ZNF385D: variants seen among roughly 807,000 people sequenced by gnomAD.
The protein encoded by ZNF385D is zinc finger protein 659.
ZNF385D carries 15 observed loss-of-function variants against 35.8 expected under a neutral mutation model. That is an observed-to-expected ratio of 0.42 (90% CI 0.28 to 0.64). The LOEUF is 0.64. ZNF385D is among the 30% of genes least tolerant of loss of function. ZNF385D has a pLI of 0.23. For missense variants in ZNF385D, 474 were observed against 494.6 expected (o/e 0.96, Z 0.39); for synonymous variants, 212 against 186.8 (o/e 1.13, Z -1.10).
In ZNF385D at chr3:22,188,221, G is replaced by C. The variant is rs550012548; in HGVS notation, c.107-19186C>G. ...CAAAGCATTAGATTTATTTTAGTAA[G>C]TAAAATGATAGATTTGTAGTTTCAT... On this transcript the variant is annotated intron_variant, in intron 2 of 5. Transcript: ENST00000494108. Among the ~76,000 whole-genome samples the C allele has an allele frequency of 2.5e-3, 382 of 152,304 alleles. 1 individual carries two copies. The highest frequency in any genetic ancestry group is 8.9e-3 in the African/African-American group (370 of 41,574).
chr3:21,947,497 T>C (rs505109), intron 3 of ZNF385D, among the ~76,000 whole-genome samples: 39,265 of 151,898 alleles, frequency 0.26, 5,789 homozygotes, highest in Admixed American at 0.41. Flanking sequence ...ATTACAGGTG[T>C]GCACCACCAT....
intron 2 of ZNF385D, among the ~76,000 whole-genome samples, chr3:22,188,407 G>C (rs545363140): frequency 5.3e-5 from 8 of 152,008 alleles, no homozygotes; most frequent in African/African-American, 1.7e-4. Context: ...GTGTGTTTTA[G>C]CAAGTTATTG....
chr3:21,896,535 T>C (rs1014354110), intron 3 of ZNF385D, among the ~76,000 whole-genome samples: 3 of 152,232 alleles, frequency 2.0e-5, no homozygotes, highest in South Asian at 2.1e-4. Flanking sequence ...GGCCTTTTTT[T>C]CCCCCTGGTA....
chr3:21,745,509 A>G (rs1426922006), intron 1 of ZNF385D, among the ~76,000 whole-genome samples: 1 of 152,200 alleles, frequency 6.6e-6, no homozygotes, highest in African/African-American at 2.4e-5. Flanking sequence ...CCTATTTTCA[A>G]TCCTAGCAAT....
chr3:22,001,622 G>T (rs540778007), intron 3 of ZNF385D, among the ~76,000 whole-genome samples: 2 of 152,088 alleles, frequency 1.3e-5, no homozygotes, highest in South Asian at 4.1e-4. Flanking sequence ...TACACCAAAT[G>T]GATCTAACAG....
intron 3 of ZNF385D, among the ~76,000 whole-genome samples, chr3:21,809,138 A>G (rs2072789015): frequency 1.3e-5 from 2 of 152,220 alleles, no homozygotes; most frequent in Admixed American, 1.3e-4. Context: ...CAAAGTACCA[A>G]GATGACATAG....
rs369558911 is a variant in ZNF385D at position 21,480,100 on chromosome 3, A to ATTTT, written c.439+30757_439+30760dup. Among the ~76,000 whole-genome samples the ATTTT allele has an allele frequency of 5.6e-4, 75 of 133,546 alleles. 2 individuals are homozygous for ATTTT. Among genetic ancestry groups the ATTTT allele is most frequent in the East Asian group, 8.8e-4 (4 of 4,532 alleles). 87.6% of individuals were successfully genotyped at this position (133,546 alleles called of 152,430 possible). A position where few individuals can be genotyped will look rare whatever the true frequency, so the allele number is the denominator to read the frequency against. ...ATATATTTATACAGAGAATGTAAGAATTTTTTTTTTTTTTTTTTTGGAGAC... is the reference window on the plus strand; with the variant it reads ...ATATATTTATACAGAGAATGTAAGAATTTTTTTTTTTTTTTTTTTTTTTGGAGAC... On this transcript the variant is annotated intron_variant, in intron 4 of 7. Coordinates refer to ENST00000281523, the MANE Select transcript of ZNF385D (RefSeq NM_024697.3).
intron 3 of ZNF385D, among the ~76,000 whole-genome samples, chr3:21,966,645 A>G (rs1423031007): frequency 6.6e-6 from 1 of 152,114 alleles, no homozygotes; most frequent in South Asian, 2.1e-4. Flanking sequence ...GCAGTGGTGC[A>G]ATCTCGGTTC....
At chr3:21,602,653 C>T (rs1348919417) in intron 2 of ZNF385D, among the ~76,000 whole-genome samples, 2 of 150,138 alleles carry the variant, frequency 1.3e-5, no homozygotes, top group African/African-American at 4.9e-5. Context: ...CTGCCTCAGC[C>T]TCCCGAGTAG....
chr3:21,689,673 T>C (rs2067220699), intron 1 of ZNF385D, among the ~76,000 whole-genome samples: 1 of 152,124 alleles, frequency 6.6e-6, no homozygotes, highest in East Asian at 1.9e-4. Flanking sequence ...TTAATCCATA[T>C]ATAAGAAGCT....
intron 3 of ZNF385D, among the ~76,000 whole-genome samples, chr3:21,556,381 T>C (rs542380172): frequency 5.3e-5 from 8 of 152,166 alleles, no homozygotes; most frequent in African/African-American, 1.7e-4. Flanking sequence ...CTTTAATCCA[T>C]TGTGAGTTAA....
At chr3:21,963,609 G>T (rs897782771) in intron 3 of ZNF385D, among the ~76,000 whole-genome samples, 2 of 152,048 alleles carry the variant, frequency 1.3e-5, no homozygotes, top group South Asian at 4.1e-4. Flanking sequence ...CTTTCCTGCC[G>T]CTGGTGGTTG....
At chr3:21,575,079 C>G (rs1331038961) in intron 2 of ZNF385D, among the ~76,000 whole-genome samples, 1 of 152,118 alleles carries the variant, frequency 6.6e-6, no homozygotes, top group Non-Finnish European at 1.5e-5. Flanking sequence ...ATATGGATTT[C>G]TGTTATAAAA....
intron 2 of ZNF385D, among the ~76,000 whole-genome samples, chr3:22,282,096 C>A (rs932738989): frequency 2.0e-5 from 3 of 151,764 alleles, no homozygotes; most frequent in Non-Finnish European, 4.4e-5. Context: ...TGTAATATAT[C>A]CCGTTTCATT....
At chr3:22,340,660 TAAG>T (rs1399934404) in intron 2 of ZNF385D, among the ~76,000 whole-genome samples, 1 of 151,878 alleles carries the variant, frequency 6.6e-6, no homozygotes, top group Non-Finnish European at 1.5e-5. Flanking sequence ...ATAATAATAA[TAAG>T]ATGTGAATAG....
In ZNF385D at chr3:22,169,460, T is replaced by C. The variant is rs150326851; in HGVS notation, c.107-425A>G. 1.3e-3 allele frequency among the ~76,000 whole-genome samples: 196 copies of C among 152,328 alleles called. 1 individual carries two copies. Among genetic ancestry groups the C allele is most frequent in the African/African-American group, 4.4e-3 (182 of 41,588 alleles). On this transcript the variant is annotated intron_variant, in intron 2 of 5. Transcript: ENST00000494108. ...TTTTTAATCATCATGTTCTCTAGTA[T>C]GTAATAATGAATTAGATTATTTTGT...
intron 3 of ZNF385D, among the ~76,000 whole-genome samples, chr3:21,907,723 T>C (rs550866062): frequency 9.9e-5 from 15 of 152,206 alleles, no homozygotes; most frequent in Admixed American, 3.9e-4. Flanking sequence ...CAATATTCAG[T>C]ATTATTATTT....
chr3:21,947,597 A>G (rs1701855542), intron 3 of ZNF385D, among the ~76,000 whole-genome samples: 1 of 152,108 alleles, frequency 6.6e-6, no homozygotes. Context: ...CGAACCGCCC[A>G]CATTGGACTC....
chr3:21,971,048 T>C (rs1166477370), intron 3 of ZNF385D, among the ~76,000 whole-genome samples: 1 of 152,090 alleles, frequency 6.6e-6, no homozygotes, highest in East Asian at 1.9e-4. Flanking sequence ...ACGAGACCTG[T>C]CCTACAAGAA....
Sources: allele counts gnomAD v4.1 joint callset (sites outside exome capture counted in the v4.1 genomes callset), GRCh38; gene constraint gnomAD v4.1.1; transcripts MANE v1.5; gene names NCBI Gene and HGNC (gene_info 2026-07-23, HGNC 2026-07-21).